POR: variants seen among roughly 807,000 people sequenced by gnomAD.
The protein encoded by POR is NADPH--cytochrome P450 reductase.
A neutral mutation model predicts 84.0 loss-of-function variants in POR; 56 were observed. The observed-to-expected ratio is 0.67, with a 90% CI of 0.54 to 0.83. The LOEUF (loss-of-function observed/expected upper bound fraction) is 0.83, where lower values mean the gene tolerates loss of function less well. Ranked by LOEUF, POR falls within the 40% of genes least tolerant of loss-of-function variation. The pLI is 0.00. For missense variants in POR, 938 were observed against 944.3 expected (o/e 0.99, Z 0.09); for synonymous variants, 414 against 400.5 (o/e 1.03, Z -0.40).
chr7:75,982,505 T>G (rs1554558261), intron 8 of POR, among the ~76,000 whole-genome samples, 183 bp downstream of exon 8: 3 of 152,022 alleles, frequency 2.0e-5, no homozygotes, highest in African/African-American at 7.2e-5. Flanking sequence ...ACTCGCCCAG[T>G]TTGTACTGAG....
chr7:75,944,353 C>T (rs782138421), intron 1 of POR, among the ~76,000 whole-genome samples: 1 of 152,124 alleles, frequency 6.6e-6, no homozygotes, highest in African/African-American at 2.4e-5. Flanking sequence ...ATGGTGAGAC[C>T]CTGTCTTTAC....
chr7:75,936,123 G>A (rs574276006), intron 1 of POR, among the ~76,000 whole-genome samples: 4 of 123,030 alleles, frequency 3.3e-5, no homozygotes, highest in South Asian at 5.0e-4. Flanking sequence ...AGATGGTCTC[G>A]CTCTGTCACC....
chr7:75,955,357 G>A (rs782791052), intron 2 of POR, among the ~76,000 whole-genome samples: 4 of 152,188 alleles, frequency 2.6e-5, no homozygotes, highest in Admixed American at 1.3e-4. Flanking sequence ...AAATGATACC[G>A]AAGGTCTGCC....
chr7:75,925,029 G>A (rs1343671873), intron 1 of POR, among the ~76,000 whole-genome samples: 1 of 152,136 alleles, frequency 6.6e-6, no homozygotes, highest in Non-Finnish European at 1.5e-5. Flanking sequence ...AACCAGAGGG[G>A]GAACTGAAAG....
intron 1 of POR, among the ~76,000 whole-genome samples, chr7:75,936,679 G>A (rs919773622): frequency 5.3e-5 from 8 of 151,942 alleles, no homozygotes; most frequent in Admixed American, 2.6e-4. Context: ...GGGTTGGGGG[G>A]CAGGTGGCAT....
At chr7:75,965,395 C>T (rs1563420645) in intron 2 of POR, among the ~76,000 whole-genome samples, 1 of 152,152 alleles carries the variant, frequency 6.6e-6, no homozygotes, top group Admixed American at 6.5e-5. Context: ...GGGTGAGTGA[C>T]CTGGTCAAGG....
At chr7:75,942,055 C>CA (rs1189680186) in intron 1 of POR, among the ~76,000 whole-genome samples, 2 of 151,638 alleles carry the variant, frequency 1.3e-5, no homozygotes, top group African/African-American at 4.8e-5. Flanking sequence ...CCTGTCTCTA[C>CA]AAAAAAATAT....
intron 8 of POR, 67 bp downstream of exon 8, chr7:75,982,389 T>A: frequency 7.6e-7 from 1 of 1,316,382 alleles, no homozygotes; most frequent in Non-Finnish European, 1.1e-6. Context: ...AGGCTCAGTC[T>A]GCCGTGTATC....
chr7:75,984,955 C>T lies in POR; in HGVS notation c.1245C>T (p.Gly415=), dbSNP rs1220545486. ...AGATGGCCTCCTCCTCCGGCGAGGG[C>T]AAGGTGCGCCCCCTCAGCCCCCGCA... Residue 415 remains glycine (G), a synonymous_variant, in exon 11 of 16, where the codon GGC becomes GGT. Transcript: ENST00000461988. The T allele has an allele frequency of 1.3e-6, 2 of 1,591,382 alleles. No homozygotes were observed. Among genetic ancestry groups the T allele is most frequent in the African/African-American group, 1.3e-5 (1 of 74,782 alleles).
chr7:75,960,643 C>T (rs1490067788), intron 2 of POR, among the ~76,000 whole-genome samples: 1 of 152,158 alleles, frequency 6.6e-6, no homozygotes, highest in Non-Finnish European at 1.5e-5. Context: ...GCTCTCTCTC[C>T]TGTGGGCCTG....
At chr7:75,980,867 C>A (rs1788977840) in intron 5 of POR, 181 bp from the exon 6 acceptor site, 2 of 1,076,688 alleles carry the variant, frequency 1.9e-6, no homozygotes, top group Non-Finnish European at 2.6e-6. Context: ...GCAGGTCAAC[C>A]AGATGAAGCC....
At chr7:75,968,321 C>T in intron 2 of POR, 1 of 466,722 alleles carries the variant, frequency 2.1e-6, no homozygotes. Context: ...TGGCGAGGGA[C>T]TCAGCCAGGC....
At chr7:75,935,665 G>GTT (rs1443443380) in intron 1 of POR, among the ~76,000 whole-genome samples, 2 of 140,866 alleles carry the variant, frequency 1.4e-5, no homozygotes, top group Admixed American at 6.9e-5. Context: ...GTGTGTGTGT[G>GTT]TGTGTTTCAA....
intron 1 of POR, among the ~76,000 whole-genome samples, chr7:75,949,185 C>T (rs1212854605): frequency 5.3e-5 from 8 of 151,946 alleles, no homozygotes; most frequent in African/African-American, 1.9e-4. Context: ...GACGGAGTCT[C>T]ACTCTGTCAC....
chr7:75,958,522 C>T (rs576597267), intron 2 of POR, among the ~76,000 whole-genome samples: 1 of 152,270 alleles, frequency 6.6e-6, no homozygotes, highest in African/African-American at 2.4e-5. Context: ...AACCGAGGTG[C>T]CAGGGATTGC....
chr7:75,944,967 AAGAG>A (rs1563409436), intron 1 of POR, among the ~76,000 whole-genome samples: 3 of 152,146 alleles, frequency 2.0e-5, no homozygotes, highest in Admixed American at 6.6e-5. Context: ...GAAGAAGAGA[AAGAG>A]AGTGAGGCTG....
chr7:75,986,501 A>C lies in POR; in HGVS notation c.*20A>C, dbSNP rs1789483504. ...AGCTAGGGGCCTGCCTGCCCCACCC[A>C]CCCCACAGACTCCGGCCTGTAATCA... On this transcript the variant is annotated 3_prime_UTR_variant, in exon 16 of 16. Transcript: ENST00000461988. 6.2e-7 allele frequency: 1 copy of C among 1,601,278 alleles called. No individual in the cohort carries two copies. Among genetic ancestry groups the C allele is most frequent in the African/African-American group, 1.3e-5 (1 of 74,738 alleles).
chr7:75,981,684 G>GGCAGT, intron 7 of POR, 78 bp downstream of exon 7: 2 of 1,246,590 alleles, frequency 1.6e-6, no homozygotes, highest in Non-Finnish European at 2.3e-6. Context: ...AACAAGGGCT[G>GGCAGT]GCAGTGGGTC....
chr7:75,968,896 G>A (rs899219276), intron 2 of POR, among the ~76,000 whole-genome samples: 1 of 152,100 alleles, frequency 6.6e-6, no homozygotes, highest in African/African-American at 2.4e-5. Flanking sequence ...CTCCTCCCCC[G>A]CCACTTGCCG....
Sources: gnomAD v4.1 joint callset for allele counts (sites outside exome capture counted in the v4.1 genomes callset) on GRCh38, gnomAD v4.1.1 for gene constraint, MANE v1.5 for transcripts, NCBI Gene and HGNC (gene_info 2026-07-23, HGNC 2026-07-21) for gene names.